ZNF607: variants seen among roughly 807,000 people sequenced by gnomAD.
ZNF607 encodes zinc finger protein 607.
Under a neutral mutation model 12.8 loss-of-function variants are expected in ZNF607, and 5 were observed. The ratio of observed to expected loss-of-function variants is 0.39; its 90% confidence interval spans 0.20 to 0.82. The LOEUF is 0.82. Among genes scored for constraint, ZNF607 ranks in the 40% least tolerant of loss-of-function variants. The probability of loss-of-function intolerance (pLI) is 0.39; values close to 1 mark genes in which losing one functional copy is unlikely to be tolerated. For missense variants in ZNF607, 851 were observed against 859.2 expected (o/e 0.99, Z 0.12); for synonymous variants, 287 against 276.2 (o/e 1.04, Z -0.39).
At chr19:37,707,077 C>T (rs1424461747) in intron 4 of ZNF607, among the ~76,000 whole-genome samples, 26 of 152,168 alleles carry the variant, frequency 1.7e-4, no homozygotes, top group Admixed American at 3.3e-4. Flanking sequence ...CTGCCCGCCT[C>T]GGCCTACCAA....
chr19:37,701,201 G>A (rs1012551631), intron 4 of ZNF607, among the ~76,000 whole-genome samples: 2 of 152,004 alleles, frequency 1.3e-5, no homozygotes, highest in Admixed American at 6.6e-5. Flanking sequence ...AAAAAGAAAG[G>A]AAGTCTTCAA....
At chr19:37,700,085 C>T (rs953108509) in intron 4 of ZNF607, among the ~76,000 whole-genome samples, 190 bp from the exon 5 acceptor site, 1 of 152,088 alleles carries the variant, frequency 6.6e-6, no homozygotes, top group Non-Finnish European at 1.5e-5. Context: ...GGCACACATA[C>T]ACAAAGAGAC....
At chr19:37,703,564 A>G (rs185882162) in intron 4 of ZNF607, among the ~76,000 whole-genome samples, 225 of 152,326 alleles carry the variant, frequency 1.5e-3, no homozygotes, top group African/African-American at 4.8e-3. Flanking sequence ...TGTAATGGCT[A>G]CAAGGAACAT....
Position 37,696,841 on chromosome 19 carries a change from G to T in ZNF607, c.*1199C>A. On this transcript the variant is annotated 3_prime_UTR_variant, in exon 5 of 5. Transcript: ENST00000355202. Reference sequence around the variant, plus strand: ...TTCCACCACAAATCTGGCGCTCTCTGCTTCCTGGGGGGCCACCTGTCTGTT... The same window carrying T: ...TTCCACCACAAATCTGGCGCTCTCTTCTTCCTGGGGGGCCACCTGTCTGTT... 1 of 875,992 alleles carries T rather than the reference G, an allele frequency of 1.1e-6. No individual in the cohort carries two copies. The highest frequency in any genetic ancestry group is 1.9e-6 in the Non-Finnish European group (1 of 532,760). The allele number at this position is 875,992 out of a possible 1,614,324, so 54.3% of individuals were successfully genotyped here.
chr19:37,700,655 A>G (rs190161155), intron 4 of ZNF607, among the ~76,000 whole-genome samples: 1 of 152,270 alleles, frequency 6.6e-6, no homozygotes, highest in Admixed American at 6.5e-5. Context: ...CAGAGTGAAT[A>G]TTTATCTCAA....
At chr19:37,716,560 TA>T (rs1161769262) in intron 1 of ZNF607, among the ~76,000 whole-genome samples, 1 of 152,206 alleles carries the variant, frequency 6.6e-6, no homozygotes, top group Non-Finnish European at 1.5e-5. Context: ...TTTTTCTAAC[TA>T]AAAGTAGGAG....
Position 37,707,939 on chromosome 19 carries a change from C to A in ZNF607, c.210G>T (p.Arg70Ser), listed in dbSNP as rs751505784. 5 of 1,613,768 alleles carry A rather than the reference C, an allele frequency of 3.1e-6. No homozygotes were observed. In the Admixed American group the frequency reaches 5.0e-5, roughly 16 times the overall value. The change falls in exon 4 of 5, where the codon AGG (arginine) becomes AGT (serine). Residue 70 changes from arginine to serine, a missense_variant. Physicochemically the swap from Arg to Ser is moderately radical, Grantham distance 110. Coordinates refer to ENST00000355202, the MANE Select transcript of ZNF607 (RefSeq NM_032689.5). ...EQGKEPWMIVREETRGECTDL... is the reference protein window; with the variant it reads ...EQGKEPWMIVSEETRGECTDL... Reference sequence around the variant, plus strand: ...CTGTACACTCTCCTCTTGTTTCTTCCCTCACAATCATCCATGGCTCTTTTC... The same window carrying A: ...CTGTACACTCTCCTCTTGTTTCTTCACTCACAATCATCCATGGCTCTTTTC...
chr19:37,711,514 G>T, intron 2 of ZNF607, 96 bp downstream of exon 2: 2 of 1,248,096 alleles, frequency 1.6e-6, no homozygotes, highest in Non-Finnish European at 2.4e-6. Context: ...ACTGAGCACC[G>T]TCTCACGAAG....
intron 4 of ZNF607, among the ~76,000 whole-genome samples, chr19:37,701,174 C>T (rs1464534047): frequency 6.6e-6 from 1 of 151,712 alleles, no homozygotes. Flanking sequence ...GTAACATGAA[C>T]CTGAAAATAT....
Position 37,697,831 on chromosome 19 carries a change from C to T in ZNF607, c.*209G>A. ...ATTAAAAAAATACATTATAAATTCT[C>T]TGAATCTGAGTTAACACAGGTCATA... is the stretch of plus-strand genomic sequence containing the variant. On this transcript the variant is annotated 3_prime_UTR_variant, in exon 5 of 5. Coordinates refer to ENST00000355202, the MANE Select transcript of ZNF607 (RefSeq NM_032689.5). 4 of 445,980 alleles carry T rather than the reference C, an allele frequency of 9.0e-6. No homozygotes were observed. The highest frequency in any genetic ancestry group is 1.6e-5 in the Non-Finnish European group (4 of 255,886). 27.6% of individuals were successfully genotyped at this position (445,980 alleles called of 1,614,324 possible).
intron 2 of ZNF607, 64 bp downstream of exon 2, chr19:37,711,546 A>C: frequency 6.4e-7 from 1 of 1,558,188 alleles, no homozygotes; most frequent in Non-Finnish European, 8.8e-7. Context: ...AAAAATGATG[A>C]GAAGACATAC....
At chr19:37,717,822 A>G (rs1252816510) in intron 1 of ZNF607, among the ~76,000 whole-genome samples, 1 of 151,184 alleles carries the variant, frequency 6.6e-6, no homozygotes, top group Non-Finnish European at 1.5e-5. Flanking sequence ...AAAAAAAAAA[A>G]AAAAAAAAGA....
At chr19:37,716,235 AAT>A (rs2045175538) in intron 1 of ZNF607, among the ~76,000 whole-genome samples, 1 of 152,204 alleles carries the variant, frequency 6.6e-6, no homozygotes, top group Non-Finnish European at 1.5e-5. Flanking sequence ...GGTGGAAACA[AAT>A]AAGAGAACTA....
At chr19:37,711,778 T>G in intron 1 of ZNF607, 86 bp from the exon 2 acceptor site, 1 of 635,630 alleles carries the variant, frequency 1.6e-6, no homozygotes. Context: ...CCTCTTCCAT[T>G]CCAAGTTACA....
At chr19:37,711,104 T>A (rs760877474) in intron 2 of ZNF607, among the ~76,000 whole-genome samples, 6 of 152,234 alleles carry the variant, frequency 3.9e-5, no homozygotes, top group Non-Finnish European at 7.3e-5. Context: ...CCACGATTTC[T>A]GTGTTTACAA....
chr19:37,713,735 G>A (rs943681748), intron 1 of ZNF607, among the ~76,000 whole-genome samples: 2 of 151,934 alleles, frequency 1.3e-5, no homozygotes, highest in East Asian at 1.9e-4. Context: ...CACCACGCCC[G>A]GCCCAAAAGT....
chr19:37,714,309 C>CG (rs1182119826), intron 1 of ZNF607, among the ~76,000 whole-genome samples: 2 of 63,432 alleles, frequency 3.2e-5, no homozygotes, highest in Non-Finnish European at 8.3e-5. Flanking sequence ...GACTCCGTCT[C>CG]AAAACAACAA....
At position 37,699,558 on chromosome 19, in the gene ZNF607, A is replaced by C; in HGVS notation, c.573T>G (p.Val191=). ...TACATTCATAGGGTTTCTCAACATG[A>C]ACTTTCCCATGTTGAGCAAGGTTTG... ...YPANLAQHGK[V]HVEKPYECKE... Residue 191 remains valine, a synonymous_variant, in exon 5 of 5, where the codon GTT becomes GTG. Coordinates refer to ENST00000355202, the MANE Select transcript of ZNF607 (RefSeq NM_032689.5). The C allele has an allele frequency of 2.5e-6, 4 of 1,614,028 alleles. No individual in the cohort carries two copies. The highest frequency in any genetic ancestry group is 3.4e-6 in the Non-Finnish European group (4 of 1,179,986).
intron 4 of ZNF607, among the ~76,000 whole-genome samples, chr19:37,704,839 T>C (rs983672793): frequency 9.2e-5 from 10 of 109,144 alleles, no homozygotes; most frequent in Non-Finnish European, 1.7e-4. Context: ...CGCCTGTAGC[T>C]ATTCAAGAGG....
Sources: gnomAD v4.1 joint callset for allele counts (sites outside exome capture counted in the v4.1 genomes callset) on GRCh38, gnomAD v4.1.1 for gene constraint, MANE v1.5 for transcripts, NCBI Gene and HGNC (gene_info 2026-07-23, HGNC 2026-07-21) for gene names.